The following ANAPC1 variants were observed in gnomAD, a reference collection of about 807,000 sequenced individuals.
The protein encoded by ANAPC1 is anaphase promoting complex subunit 1.
A neutral mutation model predicts 208.0 loss-of-function variants in ANAPC1; 36 were observed. The observed-to-expected ratio is 0.17, with a 90% CI of 0.13 to 0.23. The LOEUF is 0.23. Ranked by LOEUF, ANAPC1 falls within the 10% of genes least tolerant of loss-of-function variation. The pLI, the probability that ANAPC1 is intolerant of heterozygous loss-of-function variation, is 1.00. For missense variants in ANAPC1, 942 were observed against 2,011.6 expected (o/e 0.47, Z 10.17); for synonymous variants, 378 against 695.2 (o/e 0.54, Z 7.18).
At chr2:111,873,927 A>C (rs1313570325) in intron 3 of ANAPC1, among the ~76,000 whole-genome samples, 7 of 152,040 alleles carry the variant, frequency 4.6e-5, no homozygotes, top group Admixed American at 2.0e-4. Context: ...TAAAAAAATA[A>C]ATTTTACAAA....
At chr2:111,837,863 T>A (rs1179845896) in intron 18 of ANAPC1, among the ~76,000 whole-genome samples, 1 of 151,714 alleles carries the variant, frequency 6.6e-6, no homozygotes, top group Non-Finnish European at 1.5e-5. Context: ...GTTAGGAAGG[T>A]CACTTGACGT....
intron 38 of ANAPC1, among the ~76,000 whole-genome samples, chr2:111,791,330 C>T (rs1411193253): frequency 1.3e-5 from 2 of 149,560 alleles, no homozygotes; most frequent in Non-Finnish European, 3.0e-5. Context: ...CACATCCTGC[C>T]CATGAGTATG....
chr2:111,791,753 T>A (rs1214404988), intron 38 of ANAPC1, among the ~76,000 whole-genome samples: 1 of 151,908 alleles, frequency 6.6e-6, no homozygotes, highest in Admixed American at 6.6e-5. Context: ...AGGAAGATAA[T>A]AGTGATTGAG....
At chr2:111,883,140 T>C (rs1038342755) in intron 1 of ANAPC1, among the ~76,000 whole-genome samples, 30 of 124,786 alleles carry the variant, frequency 2.4e-4, no homozygotes, top group African/African-American at 8.9e-4. Flanking sequence ...CACTCCAGCC[T>C]AGGAGACAGA....
At chr2:111,839,561 T>C (rs1680647256) in intron 17 of ANAPC1, among the ~76,000 whole-genome samples, 2 of 152,212 alleles carry the variant, frequency 1.3e-5, no homozygotes, top group South Asian at 4.1e-4. Context: ...ATATAAAAAC[T>C]AAACATAGGT....
intron 29 of ANAPC1, among the ~76,000 whole-genome samples, chr2:111,807,792 G>T (rs1453126104): frequency 1.1e-3 from 172 of 151,172 alleles, no homozygotes; most frequent in Middle Eastern, 6.8e-3. Context: ...TGTGAAAGAG[G>T]TATGCCGCAG....
At chr2:111,851,739 G>A (rs1403103128) in intron 13 of ANAPC1, among the ~76,000 whole-genome samples, 2 of 151,746 alleles carry the variant, frequency 1.3e-5, no homozygotes, top group Non-Finnish European at 2.9e-5. Flanking sequence ...GAACCCGGCA[G>A]GCAGAACTTG....
At chr2:111,880,359 C>G in intron 2 of ANAPC1, 2 of 587,418 alleles carry the variant, frequency 3.4e-6, no homozygotes, top group Non-Finnish European at 4.3e-6. Context: ...GCAAAAAGAG[C>G]AAAACTTCAT....
At chr2:111,817,682 C>A (rs1679309648) in intron 27 of ANAPC1, among the ~76,000 whole-genome samples, 2 of 148,732 alleles carry the variant, frequency 1.3e-5, no homozygotes, top group African/African-American at 2.5e-5. Flanking sequence ...TTAAAGTATG[C>A]AATTTAAAAT....
chr2:111,858,748 C>A (rs1387819133), intron 10 of ANAPC1, among the ~76,000 whole-genome samples: 1 of 144,536 alleles, frequency 6.9e-6, no homozygotes, highest in African/African-American at 2.6e-5. Context: ...GGCGACAGAG[C>A]CAGACTCCGT....
At chr2:111,872,475 G>GGA (rs2104591044) in intron 6 of ANAPC1, among the ~76,000 whole-genome samples, 155 bp downstream of exon 6, 1 of 152,110 alleles carries the variant, frequency 6.6e-6, no homozygotes, top group South Asian at 2.1e-4. Flanking sequence ...TTTGGATCAG[G>GGA]GATACTCAAC....
chr2:111,836,657 A>C (rs1680485899), intron 18 of ANAPC1, among the ~76,000 whole-genome samples: 1 of 151,784 alleles, frequency 6.6e-6, no homozygotes, highest in Non-Finnish European at 1.5e-5. Context: ...TTAAAAAAAA[A>C]AAGAAAAGAA....
intron 42 of ANAPC1, among the ~76,000 whole-genome samples, chr2:111,783,216 A>G (rs182015352): frequency 2.0e-5 from 3 of 152,352 alleles, no homozygotes; most frequent in Admixed American, 2.0e-4. Context: ...TGCATGTACA[A>G]ATCAGCTTTA....
chr2:111,869,119 T>C (rs774372837), intron 6 of ANAPC1, among the ~76,000 whole-genome samples: 4 of 152,220 alleles, frequency 2.6e-5, no homozygotes, highest in Non-Finnish European at 5.9e-5. Context: ...TACTTTAACT[T>C]TGCATAAGTC....
At chr2:111,774,215 A>T (rs1676891652) in intron 46 of ANAPC1, among the ~76,000 whole-genome samples, 1 of 150,156 alleles carries the variant, frequency 6.7e-6, no homozygotes, top group South Asian at 2.1e-4. Context: ...TGACAGTGAA[A>T]TGGTGACAAA....
intron 25 of ANAPC1, chr2:111,821,720 G>C (rs1679545474): frequency 4.7e-6 from 2 of 421,368 alleles, no homozygotes; most frequent in Non-Finnish European, 8.9e-6. Flanking sequence ...GATCACCCGA[G>C]GCCAGGGGTT....
rs535837898 is a variant in ANAPC1 at position 111,847,274 on chromosome 2, C to T, written c.1792-76G>A. On this transcript the variant is annotated intron_variant, in intron 15 of 47. Coordinates refer to ENST00000341068, the MANE Select transcript of ANAPC1 (RefSeq NM_022662.4). Reference sequence around the variant, plus strand: ...TTGAATGTCTTAAAAATAGCTGGTACAAGACTTTGCCCATCAAAGCAATAA... The same window carrying T: ...TTGAATGTCTTAAAAATAGCTGGTATAAGACTTTGCCCATCAAAGCAATAA... 4 of 937,106 alleles carry T rather than the reference C, an allele frequency of 4.3e-6. No individual in the cohort carries two copies. The African/African-American group carries it at 6.7e-5, about 16-fold the overall frequency. 58.0% of individuals were successfully genotyped at this position (937,106 alleles called of 1,614,324 possible). A position where few individuals can be genotyped will look rare whatever the true frequency, so the allele number is the denominator to read the frequency against.
intron 17 of ANAPC1, among the ~76,000 whole-genome samples, chr2:111,841,219 G>A (rs1454759362): frequency 6.6e-6 from 1 of 151,904 alleles, no homozygotes; most frequent in Non-Finnish European, 1.5e-5. Flanking sequence ...TTCTATGCCA[G>A]GCAATACCAC....
intron 46 of ANAPC1, among the ~76,000 whole-genome samples, chr2:111,774,056 T>A (rs1676882663): frequency 6.6e-6 from 1 of 151,966 alleles, no homozygotes; most frequent in African/African-American, 2.4e-5. Context: ...AAAATCATCA[T>A]TCTGTTCTAG....
Sources: allele counts gnomAD v4.1 joint callset (sites outside exome capture counted in the v4.1 genomes callset), GRCh38; gene constraint gnomAD v4.1.1; transcripts MANE v1.5; gene names NCBI Gene and HGNC (gene_info 2026-07-23, HGNC 2026-07-21).